EXT1: variants seen among roughly 807,000 people sequenced by gnomAD.
EXT1 encodes exostosin-1.
A neutral mutation model predicts 82.5 loss-of-function variants in EXT1; 20 were observed. The observed-to-expected ratio is 0.24, with a 90% CI of 0.17 to 0.35. The LOEUF (loss-of-function observed/expected upper bound fraction) is 0.35, where lower values mean the gene tolerates loss of function less well. EXT1 is among the 10% of genes least tolerant of loss of function. The pLI is 1.00. For missense variants in EXT1, 757 were observed against 936.5 expected (o/e 0.81, Z 2.50); for synonymous variants, 348 against 350.8 (o/e 0.99, Z 0.09).
chr8:117,889,124 G>C (rs1202826504), intron 1 of EXT1, among the ~76,000 whole-genome samples: 1 of 152,148 alleles, frequency 6.6e-6, no homozygotes, highest in Non-Finnish European at 1.5e-5. Flanking sequence ...AGCTGGGGCA[G>C]CTATCTTGGA....
intron 1 of EXT1, among the ~76,000 whole-genome samples, chr8:118,041,679 AAGG>A (rs1175078500): frequency 2.0e-5 from 3 of 147,254 alleles, no homozygotes; most frequent in Non-Finnish European, 3.0e-5. Flanking sequence ...GGAAGGAAGG[AAGG>A]AAGGAAGGAA....
chr8:117,917,992 C>T (rs983970027), intron 1 of EXT1, among the ~76,000 whole-genome samples: 4 of 152,150 alleles, frequency 2.6e-5, no homozygotes, highest in Non-Finnish European at 2.9e-5. Context: ...AGGATCCTGA[C>T]ATAATGAACA....
At chr8:117,800,635 A>G (rs1326027380) in intron 10 of EXT1, among the ~76,000 whole-genome samples, 1 of 152,198 alleles carries the variant, frequency 6.6e-6, no homozygotes, top group Non-Finnish European at 1.5e-5. Flanking sequence ...TCTTCTCTTA[A>G]CCCAAGAATT....
chr8:117,854,658 C>T (rs190511528), intron 1 of EXT1, among the ~76,000 whole-genome samples: 1 of 152,338 alleles, frequency 6.6e-6, no homozygotes, highest in East Asian at 1.9e-4. Flanking sequence ...AACAGCCACA[C>T]TGTTGAGAGC....
chr8:117,850,850 G>A (rs1812441037), intron 1 of EXT1, among the ~76,000 whole-genome samples: 1 of 152,146 alleles, frequency 6.6e-6, no homozygotes, highest in African/African-American at 2.4e-5. Context: ...CTGCCTGCAG[G>A]CTTCCAAAAC....
chr8:118,073,482 A>T (rs1440108364), intron 1 of EXT1, among the ~76,000 whole-genome samples: 1 of 152,166 alleles, frequency 6.6e-6, no homozygotes, highest in Non-Finnish European at 1.5e-5. Flanking sequence ...TTAGCTGGGC[A>T]TGATGGCACG....
intron 1 of EXT1, among the ~76,000 whole-genome samples, chr8:117,861,972 T>C (rs1433982769): frequency 6.9e-6 from 1 of 145,776 alleles, no homozygotes; most frequent in African/African-American, 2.4e-5. Flanking sequence ...CTATAAATTT[T>C]AAGCCACGGA....
chr8:118,100,950 C>G (rs1817708155), intron 1 of EXT1, among the ~76,000 whole-genome samples: 1 of 152,116 alleles, frequency 6.6e-6, no homozygotes, highest in Admixed American at 6.5e-5. Flanking sequence ...GCTGGACTTC[C>G]AGGGCACCTA....
chr8:117,926,982 C>G (rs1040405523), intron 1 of EXT1, among the ~76,000 whole-genome samples: 1 of 152,192 alleles, frequency 6.6e-6, no homozygotes, highest in African/African-American at 2.4e-5. Flanking sequence ...ACCCAAATGT[C>G]CAGCTGTTTA....
chr8:118,000,363 G>T (rs1365459955), intron 1 of EXT1, among the ~76,000 whole-genome samples: 1 of 152,050 alleles, frequency 6.6e-6, no homozygotes, highest in Non-Finnish European at 1.5e-5. Flanking sequence ...TTAGAAAAAT[G>T]CATAGCATCA....
At chr8:117,977,391 T>A (rs199866428) in intron 1 of EXT1, among the ~76,000 whole-genome samples, 4,107 of 127,950 alleles carry the variant, frequency 0.032, no homozygotes, top group Non-Finnish European at 0.039. Context: ...TGTCTCAAAA[T>A]AAAAAAAAAA....
intron 1 of EXT1, among the ~76,000 whole-genome samples, chr8:117,860,440 C>G (rs960875339): frequency 2.0e-5 from 3 of 152,104 alleles, no homozygotes; most frequent in Non-Finnish European, 2.9e-5. Flanking sequence ...AACTGAAAGC[C>G]CAGCCTTCGC....
At chr8:118,099,774 G>T (rs1215118620) in intron 1 of EXT1, among the ~76,000 whole-genome samples, 2 of 152,204 alleles carry the variant, frequency 1.3e-5, no homozygotes. Context: ...TTAGATATGA[G>T]TTGCTGTTGC....
At chr8:117,882,993 A>G (rs987055289) in intron 1 of EXT1, among the ~76,000 whole-genome samples, 39 of 151,836 alleles carry the variant, frequency 2.6e-4, no homozygotes, top group African/African-American at 6.5e-4. Context: ...AAAAAAAAAA[A>G]AAAGAAAGAA....
chr8:117,904,268 C>T (rs566012835), intron 1 of EXT1, among the ~76,000 whole-genome samples: 38 of 152,168 alleles, frequency 2.5e-4, no homozygotes, highest in African/African-American at 7.7e-4. Flanking sequence ...AAAGCAGTTC[C>T]TATAACAAAC....
Position 118,110,993 on chromosome 8 carries a change from G to T in EXT1, c.54C>A (p.Ala18=), listed in dbSNP as rs757499913. ...FILLSAGSCL[A]LLFYFGGLQF... is the part of the protein sequence containing the mutation. ...GCAAGCCTCCGAAATAAAACAAAAG[G>T]GCGAGACAAGAGCCAGCTGAGAGCA... The change falls in exon 1 of 11, where the codon GCC becomes GCA. Residue 18 remains alanine, a synonymous_variant. Coordinates refer to ENST00000378204, the MANE Select transcript of EXT1 (RefSeq NM_000127.3). 1.2e-6 allele frequency: 2 copies of T among 1,607,652 alleles called. No homozygotes were observed. Among genetic ancestry groups the T allele is most frequent in the Non-Finnish European group, 1.7e-6 (2 of 1,179,890 alleles).
At chr8:118,064,731 C>A (rs1806149997) in intron 1 of EXT1, among the ~76,000 whole-genome samples, 1 of 152,096 alleles carries the variant, frequency 6.6e-6, no homozygotes, top group Non-Finnish European at 1.5e-5. Flanking sequence ...ATTTTTGATT[C>A]TAGATCCTTG....
intron 1 of EXT1, among the ~76,000 whole-genome samples, chr8:117,980,087 G>A (rs1815156283): frequency 6.6e-6 from 1 of 152,156 alleles, no homozygotes; most frequent in Non-Finnish European, 1.5e-5. Flanking sequence ...TTCAGAGAGG[G>A]TCAGCACTCC....
At chr8:117,930,365 T>C (rs1455747366) in intron 1 of EXT1, among the ~76,000 whole-genome samples, 1 of 151,450 alleles carries the variant, frequency 6.6e-6, no homozygotes, top group Non-Finnish European at 1.5e-5. Flanking sequence ...AGCAACTAAA[T>C]GCAAATTAAT....
Sources: allele counts gnomAD v4.1 joint callset (sites outside exome capture counted in the v4.1 genomes callset), GRCh38; gene constraint gnomAD v4.1.1; transcripts MANE v1.5; gene names NCBI Gene and HGNC (gene_info 2026-07-23, HGNC 2026-07-21).